GNA14: variants seen among roughly 807,000 people sequenced by gnomAD.
GNA14 encodes G protein subunit alpha 14.
GNA14 carries 50 observed loss-of-function variants against 42.0 expected under a neutral mutation model. The ratio of observed to expected loss-of-function variants is 1.19; its 90% confidence interval spans 0.95 to 1.51. The LOEUF (loss-of-function observed/expected upper bound fraction) is 1.51, where lower values mean the gene tolerates loss of function less well. Among genes scored for constraint, GNA14 ranks in the 40% most tolerant of loss-of-function variants. The pLI is 0.00. For synonymous variants in GNA14, 173 were observed against 163.1 expected (o/e 1.06, Z -0.46); for missense variants, 473 against 446.2 (o/e 1.06, Z -0.54).
At chr9:77,643,918 C>G (rs997430459) in intron 1 of GNA14, among the ~76,000 whole-genome samples, 3 of 152,112 alleles carry the variant, frequency 2.0e-5, no homozygotes, top group African/African-American at 7.2e-5. Flanking sequence ...ATCCAAAGCC[C>G]AGAGAATTTA....
chr9:77,530,558 C>T (rs953495350), intron 1 of GNA14, among the ~76,000 whole-genome samples: 2 of 152,174 alleles, frequency 1.3e-5, no homozygotes, highest in African/African-American at 4.8e-5. Flanking sequence ...AGATAAGAAA[C>T]CTAAGATTCT....
At chr9:77,471,092 C>T (rs142677929) in intron 2 of GNA14, among the ~76,000 whole-genome samples, 7 of 152,044 alleles carry the variant, frequency 4.6e-5, no homozygotes, top group African/African-American at 1.7e-4. Context: ...ATGGGTTGGG[C>T]GTTCAAAACT....
intron 2 of GNA14, among the ~76,000 whole-genome samples, chr9:77,440,181 A>C (rs1014572127): frequency 6.6e-6 from 1 of 152,264 alleles, no homozygotes; most frequent in Non-Finnish European, 1.5e-5. Context: ...CACTGCTCTG[A>C]CAGGGAAACC....
At chr9:77,640,247 A>T (rs944771641) in intron 1 of GNA14, among the ~76,000 whole-genome samples, 12 of 152,158 alleles carry the variant, frequency 7.9e-5, no homozygotes, top group Non-Finnish European at 1.6e-4. Context: ...TTTGAATTCC[A>T]TGAGATGCCC....
At chr9:77,623,723 GGTGCATTCTGGCCCCAATAC>G (rs1461459902) in intron 1 of GNA14, among the ~76,000 whole-genome samples, 1 of 152,158 alleles carries the variant, frequency 6.6e-6, no homozygotes, top group African/African-American at 2.4e-5. Context: ...CATGAGGAAC[GGTGCATTCTGGCCCCAATAC>G]TACACTTTTC....
At chr9:77,549,878 T>G (rs1837768330) in intron 1 of GNA14, among the ~76,000 whole-genome samples, 1 of 152,122 alleles carries the variant, frequency 6.6e-6, no homozygotes, top group Non-Finnish European at 1.5e-5. Flanking sequence ...TGCAAGCGCT[T>G]GGGACTCTAT....
intron 1 of GNA14, among the ~76,000 whole-genome samples, chr9:77,563,008 A>C (rs1215244963): frequency 3.3e-5 from 5 of 152,160 alleles, no homozygotes; most frequent in Non-Finnish European, 7.3e-5. Context: ...AAACATAGGT[A>C]CCCGTTATTA....
chr9:77,456,360 AT>A (rs1464747272), intron 2 of GNA14: 1 of 152,030 alleles, frequency 6.6e-6, no homozygotes, highest in Non-Finnish European at 1.5e-5. Flanking sequence ...ACCATTACAC[AT>A]GTTGTAAAGC....
chr9:77,639,124 TG>T (rs1824221073), intron 1 of GNA14, among the ~76,000 whole-genome samples: 1 of 152,200 alleles, frequency 6.6e-6, no homozygotes, highest in Non-Finnish European at 1.5e-5. Flanking sequence ...ATCACATTTT[TG>T]TTGTAGATCT....
At chr9:77,624,361 T>C (rs1823980463) in intron 1 of GNA14, among the ~76,000 whole-genome samples, 1 of 152,208 alleles carries the variant, frequency 6.6e-6, no homozygotes, top group Non-Finnish European at 1.5e-5. Context: ...AACTTAAATG[T>C]TCCTGCCTGC....
chr9:77,566,973 A>G (rs1215877140), intron 1 of GNA14, among the ~76,000 whole-genome samples: 1 of 152,098 alleles, frequency 6.6e-6, no homozygotes. Context: ...CCAAAGCTCT[A>G]TTTTCCCAAA....
intron 1 of GNA14, among the ~76,000 whole-genome samples, chr9:77,574,447 G>A (rs561874323): frequency 9.8e-5 from 15 of 152,300 alleles, no homozygotes; most frequent in African/African-American, 2.6e-4. Context: ...ACAGACAGTA[G>A]TTTATAGCTA....
chr9:77,493,026 A>AAATATATATATATATATAT (rs1554691641), intron 2 of GNA14, among the ~76,000 whole-genome samples: 6 of 51,718 alleles, frequency 1.2e-4, no homozygotes, highest in East Asian at 1.1e-3. Flanking sequence ...AAAAAAAAAA[A>AAATATATATATATATATAT]ATATATATAT....
chr9:77,555,903 G>A (rs558681566), intron 1 of GNA14, among the ~76,000 whole-genome samples: 1 of 152,250 alleles, frequency 6.6e-6, no homozygotes, highest in Non-Finnish European at 1.5e-5. Flanking sequence ...CCTGAATATA[G>A]GTTGCCTAAT....
intron 3 of GNA14, 129 bp downstream of exon 3, chr9:77,434,239 G>A (rs558313565): frequency 2.3e-5 from 19 of 816,570 alleles, no homozygotes; most frequent in South Asian, 2.2e-4. Context: ...GAGGGATATG[G>A]GAAAGCAAAG....
intron 1 of GNA14, among the ~76,000 whole-genome samples, chr9:77,604,354 A>G (rs997827171): frequency 1.3e-5 from 2 of 152,220 alleles, no homozygotes; most frequent in African/African-American, 4.8e-5. Flanking sequence ...GTCAAGCATC[A>G]AAGGCTGAAG....
intron 2 of GNA14, 87 bp downstream of exon 2, chr9:77,528,982 G>C: frequency 1.7e-6 from 2 of 1,153,326 alleles, no homozygotes; most frequent in Non-Finnish European, 2.6e-6. Flanking sequence ...TCTGGCATCT[G>C]ACCAAAGCAC....
intron 1 of GNA14, among the ~76,000 whole-genome samples, chr9:77,595,052 G>A (rs996500192): frequency 2.6e-5 from 4 of 152,114 alleles, no homozygotes; most frequent in South Asian, 2.1e-4. Context: ...CCAAACAGTC[G>A]CACTTTCCAC....
chr9:77,646,370 C>A (rs1824351577), intron 1 of GNA14, among the ~76,000 whole-genome samples: 2 of 152,082 alleles, frequency 1.3e-5, no homozygotes, highest in South Asian at 2.1e-4. Context: ...AGGGAGGGGG[C>A]AGCATGGTCT....
Sources: allele counts gnomAD v4.1 joint callset (sites outside exome capture counted in the v4.1 genomes callset), GRCh38; gene constraint gnomAD v4.1.1; transcripts MANE v1.5; gene names NCBI Gene and HGNC (gene_info 2026-07-23, HGNC 2026-07-21).